The following SHROOM3 variants were observed in gnomAD, a reference collection of about 807,000 sequenced individuals.
SHROOM3 encodes protein Shroom3.
In SHROOM3, 47 loss-of-function variants were observed where a neutral mutation model predicts 138.6. The ratio of observed to expected loss-of-function variants is 0.34; its 90% confidence interval spans 0.27 to 0.43. The LOEUF (loss-of-function observed/expected upper bound fraction) is 0.43. Ranked by LOEUF, SHROOM3 falls within the 20% of genes least tolerant of loss-of-function variation. SHROOM3 has a pLI of 1.00. For synonymous variants in SHROOM3, 1,062 were observed against 1,063.3 expected (o/e 1.00, Z 0.02); for missense variants, 2,491 against 2,596.5 (o/e 0.96, Z 0.88).
chr4:76,762,006 A>G (rs941886673), intron 9 of SHROOM3, among the ~76,000 whole-genome samples: 6 of 152,278 alleles, frequency 3.9e-5, no homozygotes, highest in Admixed American at 1.3e-4. Flanking sequence ...ATAGGATTCG[A>G]GTCTATGGCC....
intron 9 of SHROOM3, among the ~76,000 whole-genome samples, chr4:76,760,801 G>A (rs1560619185): frequency 3.9e-5 from 6 of 152,216 alleles, no homozygotes; most frequent in South Asian, 2.1e-4. Flanking sequence ...TTCATTTAAC[G>A]GGTCCCCTGA....
chr4:76,661,340 C>T (rs1056921927), intron 2 of SHROOM3, among the ~76,000 whole-genome samples: 1 of 152,134 alleles, frequency 6.6e-6, no homozygotes, highest in African/African-American at 2.4e-5. Flanking sequence ...CGCCATTCTC[C>T]TGCCTCAGCC....
chr4:76,561,413 C>T (rs772494703), intron 2 of SHROOM3, among the ~76,000 whole-genome samples: 1 of 151,840 alleles, frequency 6.6e-6, no homozygotes, highest in Non-Finnish European at 1.5e-5. Context: ...TATGACTTGC[C>T]CATGTAGAGG....
intron 1 of SHROOM3, among the ~76,000 whole-genome samples, chr4:76,510,716 T>C (rs745777456): frequency 2.0e-5 from 3 of 152,184 alleles, no homozygotes; most frequent in Non-Finnish European, 4.4e-5. Flanking sequence ...ATGGCCTTAG[T>C]TGTTGAGGAC....
At chr4:76,761,191 A>ACCC (rs59844670) in intron 9 of SHROOM3, among the ~76,000 whole-genome samples, 36 of 151,472 alleles carry the variant, frequency 2.4e-4, no homozygotes, top group African/African-American at 8.0e-4. Flanking sequence ...TTTCCTTCCA[A>ACCC]CCCTCTTTTA....
intron 1 of SHROOM3, among the ~76,000 whole-genome samples, chr4:76,512,673 C>T (rs1732362469): frequency 6.6e-6 from 1 of 152,136 alleles, no homozygotes; most frequent in African/African-American, 2.4e-5. Flanking sequence ...GAAAGAAAAC[C>T]TAACCTGGAC....
At chr4:76,554,209 T>C (rs115941085) in intron 1 of SHROOM3, among the ~76,000 whole-genome samples, 38 of 152,322 alleles carry the variant, frequency 2.5e-4, no homozygotes, top group Non-Finnish European at 4.4e-4. Context: ...TTGTGTGGTA[T>C]GTAGCCTTTT....
At position 76,558,051 on chromosome 4, in the gene SHROOM3, T is replaced by C. The variant is rs928979342; in HGVS notation, c.323+2288T>C. On this transcript the variant is annotated intron_variant, in intron 2 of 10. Coordinates refer to ENST00000296043, the MANE Select transcript of SHROOM3 (RefSeq NM_020859.4). ...GAGCCCAGTTTGGAAACACTGGGCATTGATCTGTTGGGTACTAATGGCAGA... is the reference window on the plus strand; with the variant it reads ...GAGCCCAGTTTGGAAACACTGGGCACTGATCTGTTGGGTACTAATGGCAGA... 2.0e-5 allele frequency among the ~76,000 whole-genome samples: 3 copies of C among 152,176 alleles called. 1 individual carries two copies. In the South Asian group the frequency reaches 6.2e-4, roughly 32 times the overall value.
chr4:76,543,137 G>A (rs568794260), intron 1 of SHROOM3, among the ~76,000 whole-genome samples: 4 of 152,280 alleles, frequency 2.6e-5, no homozygotes, highest in South Asian at 2.1e-4. Flanking sequence ...ACAGACTAGT[G>A]GGGGGCACAG....
intron 2 of SHROOM3, among the ~76,000 whole-genome samples, chr4:76,679,667 C>G (rs1022939679): frequency 2.0e-5 from 3 of 152,202 alleles, no homozygotes; most frequent in African/African-American, 7.2e-5. Context: ...AAAATACTCA[C>G]TTGTCTCAAC....
At chr4:76,633,332 CAAAAAAAA>C (rs56002974) in intron 2 of SHROOM3, among the ~76,000 whole-genome samples, 2 of 83,860 alleles carry the variant, frequency 2.4e-5, no homozygotes, top group Admixed American at 2.7e-4. Context: ...GACTCAGTCT[CAAAAAAAA>C]AAAAAAAAAA....
At chr4:76,648,289 C>T (rs1735871195) in intron 2 of SHROOM3, among the ~76,000 whole-genome samples, 1 of 152,138 alleles carries the variant, frequency 6.6e-6, no homozygotes, top group Non-Finnish European at 1.5e-5. Context: ...GAGTGCACCA[C>T]TGCACTCTAG....
chr4:76,561,686 TAAA>T (rs549046211), intron 2 of SHROOM3, among the ~76,000 whole-genome samples: 13 of 89,366 alleles, frequency 1.5e-4, no homozygotes, highest in Admixed American at 2.6e-4. Flanking sequence ...TCTGTGATGC[TAAA>T]AAAAAAAAAA....
At chr4:76,565,728 A>C (rs1450977039) in intron 2 of SHROOM3, among the ~76,000 whole-genome samples, 2 of 152,118 alleles carry the variant, frequency 1.3e-5, no homozygotes, top group Non-Finnish European at 2.9e-5. Context: ...GACCTCCCAG[A>C]GTATTGGGAT....
At chr4:76,616,036 G>A (rs1359112876) in intron 2 of SHROOM3, among the ~76,000 whole-genome samples, 1 of 152,158 alleles carries the variant, frequency 6.6e-6, no homozygotes, top group East Asian at 1.9e-4. Context: ...GGCAGAATTA[G>A]GACCAGTGGG....
chr4:76,531,251 G>A (rs1029255458), intron 1 of SHROOM3, among the ~76,000 whole-genome samples: 2 of 152,136 alleles, frequency 1.3e-5, no homozygotes, highest in African/African-American at 4.8e-5. Flanking sequence ...ATCACAAAGC[G>A]ACTCAGCCAT....
At chr4:76,745,735 C>T (rs1195080113) in intron 5 of SHROOM3, among the ~76,000 whole-genome samples, 2 of 152,142 alleles carry the variant, frequency 1.3e-5, no homozygotes, top group Non-Finnish European at 2.9e-5. Context: ...AATCCCAGCA[C>T]CTTGGGAGGC....
chr4:76,580,677 C>T (rs1211882729), intron 2 of SHROOM3, among the ~76,000 whole-genome samples: 4 of 152,090 alleles, frequency 2.6e-5, no homozygotes, highest in Non-Finnish European at 5.9e-5. Context: ...CTGCCGGCCT[C>T]GGCCTCCCAA....
chr4:76,449,836 G>A (rs1455701677), intron 1 of SHROOM3, among the ~76,000 whole-genome samples: 1 of 152,182 alleles, frequency 6.6e-6, no homozygotes, highest in South Asian at 2.1e-4. Flanking sequence ...AATGTGAAAG[G>A]CATTGTTCCT....
Sources: allele counts gnomAD v4.1 joint callset (sites outside exome capture counted in the v4.1 genomes callset), GRCh38; gene constraint gnomAD v4.1.1; transcripts MANE v1.5; gene names NCBI Gene and HGNC (gene_info 2026-07-23, HGNC 2026-07-21).